PGPEP1L: variants seen among roughly 807,000 people sequenced by gnomAD.
PGPEP1L encodes pyroglutamyl-peptidase 1-like protein.
PGPEP1L carries 7 observed loss-of-function variants against 6.0 expected under a neutral mutation model. The ratio of observed to expected loss-of-function variants is 1.17; its 90% confidence interval spans 0.66 to 2.19. PGPEP1L has a LOEUF of 2.19. Among genes scored for constraint, PGPEP1L ranks in the 30% most tolerant of loss-of-function variants. PGPEP1L has a pLI of 0.00. For missense variants in PGPEP1L, 209 were observed against 192.5 expected (o/e 1.09, Z -0.51); for synonymous variants, 103 against 83.9 (o/e 1.23, Z -1.24).
chr15:98,986,655 T>G (rs1433029049), intron 2 of PGPEP1L, among the ~76,000 whole-genome samples: 5 of 152,320 alleles, frequency 3.3e-5, no homozygotes, highest in Non-Finnish European at 7.4e-5. Flanking sequence ...GAAGTACAGG[T>G]GGATCTGGTG....
chr15:98,972,825 C>G (rs763213098), intron 2 of PGPEP1L, among the ~76,000 whole-genome samples: 3 of 126,518 alleles, frequency 2.4e-5, no homozygotes, highest in Non-Finnish European at 3.1e-5. Context: ...GAGCAGAGAC[C>G]GTGCACCACT....
In PGPEP1L at chr15:98,968,638, A is replaced by T. The variant is rs774084757; in HGVS notation, c.269T>A (p.Leu90His). The change falls in exon 5 of 5, where the codon CTC becomes CAC. Residue 90 changes from leucine to histidine, a missense_variant. Physicochemically the swap from Leu to His is moderately conservative, Grantham distance 99. Transcript: ENST00000535714. ...SLHHGKGCAA[L>H]IHVPPLSRGL... ...GCGCGATAGTGGAGGGACATGGATG[A>T]GTGCCGCGCAGCCCTTTCCATGATG... is the stretch of plus-strand genomic sequence containing the variant. 28 of 1,599,156 alleles carry T rather than the reference A, an allele frequency of 1.8e-5. No homozygotes were observed. The highest frequency in any genetic ancestry group is 7.0e-5 in the Admixed American group (4 of 57,426).
At chr15:98,994,227 C>G (rs2017857614) in intron 2 of PGPEP1L, among the ~76,000 whole-genome samples, 1 of 152,096 alleles carries the variant, frequency 6.6e-6, no homozygotes, top group African/African-American at 2.4e-5. Context: ...GATCATGCCA[C>G]TGCACTCCAG....
At chr15:98,975,950 T>TG (rs2017563388) in intron 2 of PGPEP1L, among the ~76,000 whole-genome samples, 1 of 151,896 alleles carries the variant, frequency 6.6e-6, no homozygotes, top group Non-Finnish European at 1.5e-5. Flanking sequence ...AAAAGATGTA[T>TG]GGTGAAATAA....
chr15:98,971,586 TGAA>T (rs753423537), intron 2 of PGPEP1L, among the ~76,000 whole-genome samples: 44 of 152,098 alleles, frequency 2.9e-4, no homozygotes, highest in African/African-American at 7.2e-4. Flanking sequence ...CCTTCAAACA[TGAA>T]GAAGAAATAA....
At chr15:98,975,422 A>T (rs1567235384) in intron 2 of PGPEP1L, among the ~76,000 whole-genome samples, 1 of 152,230 alleles carries the variant, frequency 6.6e-6, no homozygotes, top group Admixed American at 6.5e-5. Context: ...TAGGGTGACA[A>T]TAGTTAACAT....
At position 98,969,446 on chromosome 15, in the gene PGPEP1L, A is replaced by G; in HGVS notation, c.188T>C (p.Ile63Thr). 6.2e-7 allele frequency: 1 copy of G among 1,613,998 alleles called. No homozygotes were observed. Residue 63 changes from isoleucine to threonine, a missense_variant, in exon 4 of 5, where the codon ATC becomes ACC. Transcript: ENST00000535714. Reference protein sequence around the residue: ...KRVAVEGVDVIFSRDAGRYVC... With the variant: ...KRVAVEGVDVTFSRDAGRYVC... ...ATACCTGCCTGCATCTCGGGAAAAG[A>G]TCACGTCGACACCCTCCACAGCTAC...
intron 2 of PGPEP1L, among the ~76,000 whole-genome samples, chr15:98,989,592 C>T (rs1314691416): frequency 2.6e-5 from 4 of 152,192 alleles, no homozygotes; most frequent in African/African-American, 9.7e-5. Flanking sequence ...CCCAACCTAG[C>T]AAGGCATGCC....
Position 98,971,024 on chromosome 15 carries a change from G to A in PGPEP1L, c.-19+12C>T, listed in dbSNP as rs1436072009. ...CCAGTCCCATGCCCCACTGCCTCTG[G>A]CCATCACTTACTTGCGGCTGATGAT... On this transcript the variant is annotated intron_variant, in intron 3 of 4. Transcript: ENST00000535714. The A allele has an allele frequency of 4.3e-6, 7 of 1,613,318 alleles. No individual in the cohort carries two copies. The South Asian group carries it at 6.6e-5, about 15-fold the overall frequency.
chr15:98,988,141 A>G (rs1555471712), intron 2 of PGPEP1L, among the ~76,000 whole-genome samples: 1 of 152,088 alleles, frequency 6.6e-6, no homozygotes. Flanking sequence ...GCGAGACAGA[A>G]TCTTTCACTC....
chr15:98,968,616 C>G lies in PGPEP1L; in HGVS notation c.291G>C (p.Ser97=), dbSNP rs747165092. Residue 97 remains serine (S), a synonymous_variant, in exon 5 of 5, where the codon TCG becomes TCC. Coordinates refer to ENST00000535714, the MANE Select transcript of PGPEP1L (RefSeq NM_001167902.2). ...CAALIHVPPL[S]RGLPASLLGR... Reference sequence around the variant, plus strand: ...CCAGCAGGCTGGCCGGGAGCCCGCGCGATAGTGGAGGGACATGGATGAGTG... The same window carrying G: ...CCAGCAGGCTGGCCGGGAGCCCGCGGGATAGTGGAGGGACATGGATGAGTG... 6.2e-7 allele frequency: 1 copy of G among 1,605,524 alleles called. No homozygotes were observed. The highest frequency in any genetic ancestry group is 8.5e-7 in the Non-Finnish European group (1 of 1,175,900).
intron 2 of PGPEP1L, among the ~76,000 whole-genome samples, chr15:99,004,777 G>A (rs539061922): frequency 1.3e-5 from 2 of 152,212 alleles, no homozygotes; most frequent in South Asian, 4.1e-4. Context: ...GACCAGCTGG[G>A]ATGCTGACTT....
chr15:98,978,724 A>ATTTT (rs1341474662), intron 2 of PGPEP1L, among the ~76,000 whole-genome samples: 1 of 69,666 alleles, frequency 1.4e-5, no homozygotes, highest in African/African-American at 5.1e-5. Context: ...ATATATATAT[A>ATTTT]TATTTTTTTT....
In PGPEP1L at chr15:98,984,155, C is replaced by T. The variant is rs191400433; in HGVS notation, c.-141-12997G>A. Among the ~76,000 whole-genome samples, 404 of 152,060 alleles carry T rather than the reference C, an allele frequency of 2.7e-3. 1 individual carries two copies. Among genetic ancestry groups the T allele is most frequent in the Middle Eastern group, 0.024 (7 of 294 alleles). ...CCTCCCAAGTAGCTGGGACTACAGG[C>T]GCCCACCACCACGCCCGGCTAATTT... On this transcript the variant is annotated intron_variant, in intron 2 of 4. Transcript: ENST00000535714.
intron 2 of PGPEP1L, among the ~76,000 whole-genome samples, chr15:98,992,314 CAG>C (rs553507747): frequency 2.1e-3 from 320 of 152,214 alleles, no homozygotes; most frequent in Admixed American, 6.0e-3. Flanking sequence ...AACAGACAAA[CAG>C]AGAGCCAAAT....
chr15:98,978,803 C>G (rs1223225973), intron 2 of PGPEP1L, among the ~76,000 whole-genome samples: 1 of 147,200 alleles, frequency 6.8e-6, no homozygotes, highest in Non-Finnish European at 1.5e-5. Context: ...GATCTCGGCT[C>G]ACCGCAACCT....
chr15:98,972,607 G>A (rs191835165), intron 2 of PGPEP1L, among the ~76,000 whole-genome samples: 14 of 152,014 alleles, frequency 9.2e-5, no homozygotes, highest in Admixed American at 3.9e-4. Context: ...AGTGGCTCAC[G>A]CCTGTAATCG....
Position 98,970,900 on chromosome 15 carries a change from G to A in PGPEP1L, c.-19+136C>T. ...GACCCAGAACCTTACACAATCAGCTGGGACCTTGCATGACTGGTGGGGCCT... is the reference window on the plus strand; with the variant it reads ...GACCCAGAACCTTACACAATCAGCTAGGACCTTGCATGACTGGTGGGGCCT... On this transcript the variant is annotated intron_variant, in intron 3 of 4. Coordinates refer to ENST00000535714, the MANE Select transcript of PGPEP1L (RefSeq NM_001167902.2). 3 of 1,278,758 alleles carry A rather than the reference G, an allele frequency of 2.3e-6. No individual in the cohort carries two copies. In the South Asian group the frequency reaches 4.5e-5, roughly 19 times the overall value. 79.2% of individuals were successfully genotyped at this position (1,278,758 alleles called of 1,614,324 possible).
chr15:99,006,019 CAA>C (rs1567246303), intron 1 of PGPEP1L, among the ~76,000 whole-genome samples: 1 of 152,106 alleles, frequency 6.6e-6, no homozygotes, highest in Non-Finnish European at 1.5e-5. Flanking sequence ...ACTAATTCCA[CAA>C]AATATGTGAG....
Sources: allele counts gnomAD v4.1 joint callset (sites outside exome capture counted in the v4.1 genomes callset), GRCh38; gene constraint gnomAD v4.1.1; transcripts MANE v1.5; gene names NCBI Gene and HGNC (gene_info 2026-07-23, HGNC 2026-07-21).